The following ERICH3 variants were observed in gnomAD, a reference collection of about 807,000 sequenced individuals.
ERICH3 encodes the protein glutamate-rich protein 3.
Under a neutral mutation model 131.1 loss-of-function variants are expected in ERICH3, and 126 were observed. That is an observed-to-expected ratio of 0.96 (90% CI 0.83 to 1.11). The LOEUF (loss-of-function observed/expected upper bound fraction) is 1.11, where lower values mean the gene tolerates loss of function less well. ERICH3 is among the 50% of genes most tolerant of loss of function. ERICH3 has a pLI of 0.00. For synonymous variants in ERICH3, 695 were observed against 644.6 expected, an observed-to-expected ratio of 1.08 and a Z score of -1.18; for missense variants, 2,050 against 1,810.7, an observed-to-expected ratio of 1.13 and a Z score of -2.40.
At chr1:74,642,207 T>G (rs539440877) in intron 4 of ERICH3, among the ~76,000 whole-genome samples, 1 of 152,276 alleles carries the variant, frequency 6.6e-6, no homozygotes, top group African/African-American at 2.4e-5. Flanking sequence ...AACATTTTTG[T>G]AACAAAATTA....
intron 1 of ERICH3, among the ~76,000 whole-genome samples, chr1:74,672,051 A>G (rs999530194): frequency 2.0e-5 from 3 of 152,212 alleles, no homozygotes; most frequent in African/African-American, 7.2e-5. Flanking sequence ...ATTTGACTTC[A>G]GTTTCTGAAA....
intron 12 of ERICH3, among the ~76,000 whole-genome samples, chr1:74,580,891 A>C (rs540661749): frequency 6.6e-6 from 1 of 152,270 alleles, no homozygotes; most frequent in Non-Finnish European, 1.5e-5. Context: ...ATAATACCCA[A>C]TAAGTAGTTT....
chr1:74,673,581 G>A lies in ERICH3; in HGVS notation c.-62C>T. On this transcript the variant is annotated 5_prime_UTR_variant, in exon 1 of 15. Coordinates refer to ENST00000326665, the MANE Select transcript of ERICH3 (RefSeq NM_001002912.5). ...GGAGGGTGGGTGCGTGGGGCCCCGT[G>A]CGCGCTGGCGCTGCGACAGTCGCGC... is the stretch of plus-strand genomic sequence containing the variant. 1.9e-6 allele frequency: 3 copies of A among 1,576,150 alleles called. No individual in the cohort carries two copies. The highest frequency in any genetic ancestry group is 2.6e-6 in the Non-Finnish European group (3 of 1,156,194).
At chr1:74,628,694 T>C (rs1478731355) in intron 7 of ERICH3, among the ~76,000 whole-genome samples, 1 of 148,724 alleles carries the variant, frequency 6.7e-6, no homozygotes, top group Non-Finnish European at 1.5e-5. Flanking sequence ...CCATATACAG[T>C]ACACACACAC....
chr1:74,598,493 A>G (rs1438980184), intron 11 of ERICH3, among the ~76,000 whole-genome samples: 2 of 151,912 alleles, frequency 1.3e-5, no homozygotes, highest in Non-Finnish European at 2.9e-5. Context: ...GTTCTGAATG[A>G]CCAAATATTA....
chr1:74,573,047 G>A lies in ERICH3; in HGVS notation c.2663C>T (p.Thr888Ile), dbSNP rs1265763747. ...KQALMLTVLE[T>I]DKAASEGEQG... Reference sequence around the variant, plus strand: ...TTCCCCTTCAGAAGCTGCTTTGTCTGTCTCAAGCACTGTGAGCATCAAGGC... The same window carrying A: ...TTCCCCTTCAGAAGCTGCTTTGTCTATCTCAAGCACTGTGAGCATCAAGGC... Residue 888 changes from threonine to isoleucine, a missense_variant, in exon 14 of 15, where the codon ACA (threonine) becomes ATA (isoleucine). Coordinates refer to ENST00000326665, the MANE Select transcript of ERICH3 (RefSeq NM_001002912.5). 1 of 1,614,144 alleles carries A rather than the reference G, an allele frequency of 6.2e-7. No individual in the cohort carries two copies. The highest frequency in any genetic ancestry group is 8.5e-7 in the Non-Finnish European group (1 of 1,180,022).
chr1:74,580,478 CT>C (rs1647157676), intron 12 of ERICH3, among the ~76,000 whole-genome samples: 1 of 152,092 alleles, frequency 6.6e-6, no homozygotes, highest in Non-Finnish European at 1.5e-5. Context: ...TTTTTAGAAG[CT>C]TTTTATACAT....
intron 8 of ERICH3, among the ~76,000 whole-genome samples, chr1:74,619,227 C>G (rs1267757929): frequency 6.6e-6 from 1 of 152,184 alleles, no homozygotes; most frequent in South Asian, 2.1e-4. Flanking sequence ...GTTTTTCACT[C>G]TCATCACAGA....
At position 74,571,730 on chromosome 1, in the gene ERICH3, T is replaced by C; in HGVS notation, c.3980A>G (p.Gln1327Arg). 1 of 1,614,156 alleles carries C rather than the reference T, an allele frequency of 6.2e-7. No homozygotes were observed. The highest frequency in any genetic ancestry group is 8.5e-7 in the Non-Finnish European group (1 of 1,180,030). ...TCCTCCTCCCATGCCCTCATTCTTT[T>C]GTGTGTTTCCTTCTCCTTCCATGTC... The part of the protein sequence containing the change: ...DGDMEGEGNT[Q>R]KNEGMGGGRV... The change falls in exon 14 of 15, where the codon CAA becomes CGA. Residue 1327 changes from glutamine to arginine, a missense_variant. Coordinates refer to ENST00000326665, the MANE Select transcript of ERICH3 (RefSeq NM_001002912.5).
intron 12 of ERICH3, among the ~76,000 whole-genome samples, chr1:74,583,023 C>T (rs1474640759): frequency 6.6e-6 from 1 of 152,042 alleles, no homozygotes; most frequent in Non-Finnish European, 1.5e-5. Flanking sequence ...CCATTTTTCT[C>T]CTTTAAAACA....
intron 11 of ERICH3, 120 bp from the exon 12 acceptor site, chr1:74,590,200 G>A: frequency 1.1e-6 from 1 of 882,122 alleles, no homozygotes; most frequent in South Asian, 1.9e-5. Context: ...ATATAGACCT[G>A]ATATCCTTTT....
At chr1:74,613,581 C>T (rs563517825) in intron 8 of ERICH3, among the ~76,000 whole-genome samples, 12 of 152,274 alleles carry the variant, frequency 7.9e-5, no homozygotes, top group African/African-American at 2.9e-4. Flanking sequence ...CTAAAACATA[C>T]ATGAATGAAG....
chr1:74,641,782 T>G (rs1388539018), intron 4 of ERICH3, among the ~76,000 whole-genome samples: 1 of 152,118 alleles, frequency 6.6e-6, no homozygotes, highest in African/African-American at 2.4e-5. Context: ...CTTTTCTATC[T>G]TAGAAAATAA....
intron 11 of ERICH3, among the ~76,000 whole-genome samples, chr1:74,596,036 C>G (rs1244492498): frequency 6.6e-6 from 1 of 152,048 alleles, no homozygotes; most frequent in Non-Finnish European, 1.5e-5. Flanking sequence ...TACTTCTTTT[C>G]AAACCCATAT....
chr1:74,654,099 GT>G (rs1341457247), intron 1 of ERICH3, among the ~76,000 whole-genome samples: 2 of 152,040 alleles, frequency 1.3e-5, no homozygotes, highest in African/African-American at 4.8e-5. Context: ...TTTACCATCT[GT>G]ATTTCCACCA....
At chr1:74,656,688 A>G (rs1220607987) in intron 1 of ERICH3, among the ~76,000 whole-genome samples, 2 of 152,230 alleles carry the variant, frequency 1.3e-5, no homozygotes, top group Non-Finnish European at 2.9e-5. Context: ...AGAAATTCAC[A>G]TGTGAAAATA....
chr1:74,629,327 T>G (rs1252417761), intron 7 of ERICH3, among the ~76,000 whole-genome samples: 2 of 151,770 alleles, frequency 1.3e-5, no homozygotes, highest in African/African-American at 2.4e-5. Flanking sequence ...GTCTAGTAGT[T>G]CTAACATTCC....
At chr1:74,651,129 C>A (rs932947740) in intron 1 of ERICH3, among the ~76,000 whole-genome samples, 2 of 152,190 alleles carry the variant, frequency 1.3e-5, no homozygotes, top group East Asian at 3.9e-4. Flanking sequence ...ATTATAGAGT[C>A]AAGTAAATAT....
rs199966135 is a variant in ERICH3 at position 74,612,811 on chromosome 1, T to C, written c.1001-2A>G. On this transcript the variant is annotated splice_acceptor_variant, in intron 8 of 14. Transcript: ENST00000326665. LOFTEE classifies it high-confidence loss of function. ...TTTTGGAAATAAACTGAAAGGTCTC[T>C]GGAATTAAAATAGAAATACATTAGT... The C allele has an allele frequency of 2.6e-6, 4 of 1,563,054 alleles. No individual in the cohort carries two copies. Among genetic ancestry groups the C allele is most frequent in the Non-Finnish European group, 3.5e-6 (4 of 1,143,468 alleles).
Sources: gnomAD v4.1 joint callset for allele counts (sites outside exome capture counted in the v4.1 genomes callset) on GRCh38, gnomAD v4.1.1 for gene constraint, MANE v1.5 for transcripts, NCBI Gene and HGNC (gene_info 2026-07-23, HGNC 2026-07-21) for gene names.